The following OTUD7A variants were observed in gnomAD, a reference collection of about 807,000 sequenced individuals.
OTUD7A encodes OTU deubiquitinase 7A.
A neutral mutation model predicts 65.7 loss-of-function variants in OTUD7A; 12 were observed. The observed-to-expected ratio is 0.18, with a 90% confidence interval of 0.12 to 0.30. OTUD7A has a LOEUF of 0.30. Among genes scored for constraint, OTUD7A ranks in the 10% least tolerant of loss-of-function variants. OTUD7A has a pLI of 1.00. For missense variants in OTUD7A, 1,148 were observed against 1,304.8 expected (o/e 0.88, Z 1.85); for synonymous variants, 641 against 586.3 (o/e 1.09, Z -1.35).
At chr15:31,807,478 A>G (rs1465273029) in intron 1 of OTUD7A, among the ~76,000 whole-genome samples, 1 of 152,114 alleles carries the variant, frequency 6.6e-6, no homozygotes, top group Non-Finnish European at 1.5e-5. Flanking sequence ...TGTCCCCCAA[A>G]TTGCACACAA....
chr15:31,535,485 T>C (rs189834768), intron 5 of OTUD7A, among the ~76,000 whole-genome samples: 28 of 152,282 alleles, frequency 1.8e-4, no homozygotes, highest in Admixed American at 1.6e-3. Flanking sequence ...AATGGACTAT[T>C]ACCTACCTTT....
intron 1 of OTUD7A, among the ~76,000 whole-genome samples, chr15:31,861,786 G>C (rs1897748462): frequency 6.6e-6 from 1 of 152,204 alleles, no homozygotes; most frequent in Non-Finnish European, 1.5e-5. Context: ...ACAATGCCAA[G>C]TTAAACAGAC....
chr15:31,848,064 A>G lies in OTUD7A; in HGVS notation c.-100+22443T>C, dbSNP rs372306728. On this transcript the variant is annotated intron_variant, in intron 1 of 12. Transcript: ENST00000307050. Reference sequence around the variant, plus strand: ...TGGGGAGGGGACACAGAGCTAGATCATATCAACCTGCAACTTGCCCTTCAG... The same window carrying G: ...TGGGGAGGGGACACAGAGCTAGATCGTATCAACCTGCAACTTGCCCTTCAG... 6.6e-5 allele frequency among the ~76,000 whole-genome samples: 10 copies of G among 152,336 alleles called. No individual in the cohort carries two copies. The South Asian group carries it at 1.5e-3, about 22-fold the overall frequency.
At chr15:31,687,801 T>C (rs1892872580) in intron 1 of OTUD7A, among the ~76,000 whole-genome samples, 1 of 152,052 alleles carries the variant, frequency 6.6e-6, no homozygotes, top group African/African-American at 2.4e-5. Context: ...GGTTAAAAAT[T>C]ATAATAACAA....
intron 8 of OTUD7A, among the ~76,000 whole-genome samples, chr15:31,518,749 T>C (rs150558263): frequency 1.3e-5 from 2 of 152,334 alleles, no homozygotes; most frequent in Non-Finnish European, 2.9e-5. Context: ...CTCTCTCAGG[T>C]AGGGCCCTGC....
At chr15:31,639,722 G>T (rs570129861) in intron 3 of OTUD7A, among the ~76,000 whole-genome samples, 1 of 152,212 alleles carries the variant, frequency 6.6e-6, no homozygotes, top group African/African-American at 2.4e-5. Flanking sequence ...TAGGTGTGTA[G>T]TGCTATCTCA....
chr15:31,777,447 G>T (rs1035554064), intron 1 of OTUD7A, among the ~76,000 whole-genome samples: 1 of 152,210 alleles, frequency 6.6e-6, no homozygotes. Flanking sequence ...TGGGCATTAG[G>T]ACCTTCATGT....
intron 1 of OTUD7A, among the ~76,000 whole-genome samples, chr15:31,769,986 T>C (rs1261175287): frequency 1.3e-5 from 2 of 152,112 alleles, no homozygotes; most frequent in Admixed American, 6.5e-5. Context: ...AAATTAAAAA[T>C]GTAACTATAT....
chr15:31,726,125 T>A (rs1379363145), intron 1 of OTUD7A, among the ~76,000 whole-genome samples: 4 of 151,546 alleles, frequency 2.6e-5, no homozygotes, highest in Non-Finnish European at 4.4e-5. Context: ...CGTGTTGAGC[T>A]CCTTTTTCTT....
intron 4 of OTUD7A, among the ~76,000 whole-genome samples, chr15:31,563,075 AATGAT>A: frequency 6.6e-6 from 1 of 152,110 alleles, no homozygotes; most frequent in South Asian, 2.1e-4. Context: ...TTTTTTCTTA[AATGAT>A]ATCTAAGAAA....
intron 3 of OTUD7A, among the ~76,000 whole-genome samples, chr15:31,576,654 G>C (rs1452580657): frequency 6.6e-6 from 1 of 152,172 alleles, no homozygotes; most frequent in Non-Finnish European, 1.5e-5. Context: ...TGAGGGCTAT[G>C]TCATGGACCA....
rs1289871653 is a variant in OTUD7A, at chr15:31,484,839, T to C, written c.1372-115A>G. ...CGAGGCTAGGGCCCTGGACCTTCACTGTCCCAGTCCCCACTGTCGCTCTGG... is the reference window on the plus strand; with the variant it reads ...CGAGGCTAGGGCCCTGGACCTTCACCGTCCCAGTCCCCACTGTCGCTCTGG... On this transcript the variant is annotated intron_variant, in intron 12 of 12. Transcript: ENST00000307050. This position sits in a 1 kb window ranked among gnomAD's most constrained non-coding sequence, Gnocchi z 4.5. 2.0e-6 allele frequency: 3 copies of C among 1,469,076 alleles called. No homozygotes were observed. The highest frequency in any genetic ancestry group is 2.7e-6 in the Non-Finnish European group (3 of 1,112,088). 91.0% of individuals were successfully genotyped at this position (1,469,076 alleles called of 1,614,324 possible). A position where few individuals can be genotyped will look rare whatever the true frequency, so the allele number is the denominator to read the frequency against.
chr15:31,701,639 T>A (rs980685545), intron 1 of OTUD7A, among the ~76,000 whole-genome samples: 1 of 150,470 alleles, frequency 6.6e-6, no homozygotes, highest in African/African-American at 2.4e-5. Context: ...CCTACAACTA[T>A]GGAAAATTAA....
intron 3 of OTUD7A, among the ~76,000 whole-genome samples, chr15:31,576,398 A>T (rs1889204502): frequency 6.6e-6 from 1 of 152,230 alleles, no homozygotes; most frequent in Non-Finnish European, 1.5e-5. Context: ...ATAAGTGATT[A>T]TTCCTCTACC....
chr15:31,726,090 A>G (rs1375001933), intron 1 of OTUD7A, among the ~76,000 whole-genome samples: 1 of 149,900 alleles, frequency 6.7e-6, no homozygotes, highest in African/African-American at 2.5e-5. Context: ...TTCTTAACCT[A>G]TGAATATTCA....
At chr15:31,525,681 A>G (rs1292105365) in intron 8 of OTUD7A, among the ~76,000 whole-genome samples, 7 of 152,260 alleles carry the variant, frequency 4.6e-5, no homozygotes, top group Non-Finnish European at 1.0e-4. Context: ...CAGGTTCCAG[A>G]GAATATGAAC....
chr15:31,736,821 C>T (rs1364781576), intron 1 of OTUD7A, among the ~76,000 whole-genome samples: 3 of 148,024 alleles, frequency 2.0e-5, no homozygotes, highest in Non-Finnish European at 3.0e-5. Flanking sequence ...TTAAGACCTT[C>T]TTTTTTTTGG....
chr15:31,797,939 A>G (rs149014789), intron 1 of OTUD7A, among the ~76,000 whole-genome samples: 72 of 152,224 alleles, frequency 4.7e-4, no homozygotes, highest in African/African-American at 1.7e-3. Flanking sequence ...GTTTAAGATC[A>G]GGGTGTCAGC....
intron 1 of OTUD7A, among the ~76,000 whole-genome samples, chr15:31,753,074 T>C (rs997715057): frequency 3.3e-5 from 5 of 152,208 alleles, no homozygotes; most frequent in Admixed American, 6.5e-5. Flanking sequence ...AATTAGCATT[T>C]ACTTTTACAT....
Sources: gnomAD v4.1 joint callset for allele counts (sites outside exome capture counted in the v4.1 genomes callset) on GRCh38, gnomAD v4.1.1 for gene constraint, Gnocchi (gnomAD v3.1) non-coding constraint, MANE v1.5 for transcripts, NCBI Gene and HGNC (gene_info 2026-07-23, HGNC 2026-07-21) for gene names.